The following EYS variants were observed in gnomAD, a reference collection of about 807,000 sequenced individuals.
EYS encodes the protein protein eyes shut homolog.
Under a neutral mutation model 282.1 loss-of-function variants are expected in EYS, and 250 were observed. The ratio of observed to expected loss-of-function variants is 0.89; its 90% CI spans 0.80 to 0.98. EYS has a LOEUF of 0.98. Among genes scored for constraint, EYS ranks in the 50% least tolerant of loss-of-function variants. The pLI, the probability that EYS is intolerant of heterozygous loss-of-function variation, is 0.00. For missense variants in EYS, 4,016 were observed against 3,709.0 expected (o/e 1.08, Z -2.15); for synonymous variants, 1,355 against 1,282.9 (o/e 1.06, Z -1.20).
intron 36 of EYS, among the ~76,000 whole-genome samples, chr6:63,827,518 C>T (rs530327916): frequency 2.0e-5 from 3 of 152,262 alleles, no homozygotes; most frequent in South Asian, 4.1e-4. Flanking sequence ...ATATGATAGA[C>T]AATAAAATGA....
intron 22 of EYS, among the ~76,000 whole-genome samples, chr6:64,731,346 C>A (rs1259756204): frequency 6.6e-6 from 1 of 151,842 alleles, no homozygotes; most frequent in Non-Finnish European, 1.5e-5. Flanking sequence ...AACAAAAAAA[C>A]AAAAAACAAA....
At chr6:65,287,255 T>C (rs1768392650) in intron 12 of EYS, among the ~76,000 whole-genome samples, 1 of 151,574 alleles carries the variant, frequency 6.6e-6, no homozygotes, top group Admixed American at 6.6e-5. Context: ...CCATTTACTA[T>C]GGACCACTCC....
At chr6:64,601,868 C>G (rs755377912) in intron 24 of EYS, among the ~76,000 whole-genome samples, 1 of 152,038 alleles carries the variant, frequency 6.6e-6, no homozygotes, top group Non-Finnish European at 1.5e-5. Flanking sequence ...GTGCTCAACT[C>G]CCATTATCCA....
rs532884833 is a variant in EYS at position 65,495,558 on chromosome 6, T to G, written c.-148A>C. The stretch of plus-strand genomic sequence containing the variant: ...TTTTCTATACCCAAAGTAGCTTTGA[T>G]GACAATGTGCTTTGATGGAGAAACA... On this transcript the variant is annotated 5_prime_UTR_variant, in exon 4 of 43. Transcript: ENST00000503581. The G allele has an allele frequency of 2.8e-6, 2 of 725,696 alleles. No individual in the cohort carries two copies. The highest frequency in any genetic ancestry group is 5.4e-5 in the East Asian group (2 of 37,260). The allele number at this position is 725,696 out of a possible 1,614,324, so 45.0% of individuals were successfully genotyped here.
At chr6:64,022,801 G>T (rs1769254583) in intron 33 of EYS, among the ~76,000 whole-genome samples, 1 of 152,150 alleles carries the variant, frequency 6.6e-6, no homozygotes, top group African/African-American at 2.4e-5. Context: ...TAGTGCCAAT[G>T]AATTTTCCTG....
chr6:64,351,345 C>T (rs908134817), intron 29 of EYS, among the ~76,000 whole-genome samples: 1 of 151,356 alleles, frequency 6.6e-6, no homozygotes, highest in Non-Finnish European at 1.5e-5. Context: ...TGACAGAGGT[C>T]GGCTAAACCA....
At chr6:65,325,767 G>T (rs1166734875) in intron 11 of EYS, among the ~76,000 whole-genome samples, 2 of 152,100 alleles carry the variant, frequency 1.3e-5, no homozygotes, top group African/African-American at 4.8e-5. Flanking sequence ...TCTAATTAGT[G>T]TCGAGATCAT....
In EYS at chr6:64,347,894, C is replaced by T. The variant is rs1440606891; in HGVS notation, c.6078+40796G>A. On this transcript the variant is annotated intron_variant, in intron 29 of 42. Transcript: ENST00000503581. ...TCGGCCTCAACACAAAAAAATTCAC[C>T]TTATTTCTGGGTAGAATTTTACTCT... Among the ~76,000 whole-genome samples, 4 of 151,408 alleles carry T rather than the reference C, an allele frequency of 2.6e-5. No individual in the cohort carries two copies. The East Asian group carries it at 7.9e-4, about 30-fold the overall frequency.
chr6:64,017,991 C>T (rs573129216), intron 33 of EYS, among the ~76,000 whole-genome samples: 1 of 152,148 alleles, frequency 6.6e-6, no homozygotes, highest in Non-Finnish European at 1.5e-5. Context: ...GTTGGGAAAT[C>T]AGAGATCCAT....
At chr6:64,633,848 G>T (rs777850018) in intron 22 of EYS, among the ~76,000 whole-genome samples, 2 of 152,014 alleles carry the variant, frequency 1.3e-5, no homozygotes, top group Non-Finnish European at 2.9e-5. Context: ...ACCCCATGTG[G>T]GTCTTTATAT....
intron 36 of EYS, among the ~76,000 whole-genome samples, chr6:63,846,631 C>G (rs1410224809): frequency 6.6e-6 from 1 of 152,136 alleles, no homozygotes; most frequent in Non-Finnish European, 1.5e-5. Context: ...GAATACAAAT[C>G]AAAATGGGCA....
At chr6:64,106,766 T>C (rs2150262906) in intron 31 of EYS, among the ~76,000 whole-genome samples, 1 of 152,142 alleles carries the variant, frequency 6.6e-6, no homozygotes, top group Non-Finnish European at 1.5e-5. Context: ...TATTTCTTTT[T>C]TCCATTCTCT....
chr6:64,052,128 C>A (rs1283546622), intron 33 of EYS, among the ~76,000 whole-genome samples: 1 of 152,000 alleles, frequency 6.6e-6, no homozygotes, highest in African/African-American at 2.4e-5. Flanking sequence ...TTTGTGACAA[C>A]ACTTCTTAAT....
chr6:65,290,101 C>A (rs184381713), intron 12 of EYS, among the ~76,000 whole-genome samples: 2 of 150,812 alleles, frequency 1.3e-5, no homozygotes, highest in Non-Finnish European at 3.0e-5. Flanking sequence ...AAGCAATACC[C>A]AAAGTATTTG....
chr6:65,674,814 A>T, intron 1 of EYS, among the ~76,000 whole-genome samples: 1 of 152,084 alleles, frequency 6.6e-6, no homozygotes, highest in East Asian at 1.9e-4. Flanking sequence ...TAGCAAAGGT[A>T]AATATTTAAT....
At chr6:63,893,361 TGTG>T (rs374224147) in intron 35 of EYS, among the ~76,000 whole-genome samples, 42 of 152,104 alleles carry the variant, frequency 2.8e-4, no homozygotes, top group Middle Eastern at 6.8e-3. Context: ...ATAAAGAAAA[TGTG>T]GTACATATAC....
chr6:64,703,568 G>C (rs915568295), intron 22 of EYS, among the ~76,000 whole-genome samples: 1 of 150,912 alleles, frequency 6.6e-6, no homozygotes, highest in African/African-American at 2.4e-5. Context: ...GATTAGCTGG[G>C]ACTACAGGTG....
intron 31 of EYS, among the ~76,000 whole-genome samples, chr6:64,213,857 A>G (rs973810946): frequency 2.0e-5 from 3 of 152,200 alleles, no homozygotes; most frequent in Non-Finnish European, 2.9e-5. Context: ...TTCTATACAC[A>G]TAACGGTTTG....
chr6:65,019,670 T>G (rs1772184013), intron 13 of EYS, among the ~76,000 whole-genome samples: 1 of 152,306 alleles, frequency 6.6e-6, no homozygotes, highest in East Asian at 1.9e-4. Flanking sequence ...TGCTGATTAT[T>G]TCTGGTAAGA....
Sources: allele counts gnomAD v4.1 joint callset (sites outside exome capture counted in the v4.1 genomes callset), GRCh38; gene constraint gnomAD v4.1.1; transcripts MANE v1.5; gene names NCBI Gene and HGNC (gene_info 2026-07-23, HGNC 2026-07-21).